Variants in IL31RA observed in about 807,000 individuals in gnomAD.
IL31RA encodes interleukin 31 receptor A, also known as interleukin-31 receptor subunit alpha.
In IL31RA, 66 loss-of-function variants were observed where a neutral mutation model predicts 83.7. The ratio of observed to expected loss-of-function variants is 0.79; its 90% CI spans 0.65 to 0.97. The LOEUF is 0.97. IL31RA is among the 50% of genes least tolerant of loss of function. The pLI, the probability that IL31RA is intolerant of heterozygous loss-of-function variation, is 0.00. For synonymous variants in IL31RA, 325 were observed against 329.0 expected (o/e 0.99, Z 0.13); for missense variants, 798 against 919.4 (o/e 0.87, Z 1.71).
At chr5:55,908,740 A>G (rs1425348068) in intron 11 of IL31RA, 1 of 1,444,962 alleles carries the variant, frequency 6.9e-7, no homozygotes, top group African/African-American at 1.4e-5. Flanking sequence ...TGGCTTAAAG[A>G]GTGAGGAGGA....
intron 5 of IL31RA, among the ~76,000 whole-genome samples, chr5:55,887,456 TGGACTGGG>T (rs1257776750): frequency 6.6e-6 from 1 of 152,208 alleles, no homozygotes; most frequent in East Asian, 1.9e-4. Context: ...ATTTGATTTA[TGGACTGGG>T]TGCAGTGGCT....
At chr5:55,888,309 C>A (rs1747767730) in intron 5 of IL31RA, among the ~76,000 whole-genome samples, 1 of 152,080 alleles carries the variant, frequency 6.6e-6, no homozygotes, top group Non-Finnish European at 1.5e-5. Context: ...CTTGGCTGGA[C>A]AAAATAACAA....
At chr5:55,907,314 C>G (rs1359461770) in intron 9 of IL31RA, 45 bp from the exon 10 acceptor site, 2 of 1,169,570 alleles carry the variant, frequency 1.7e-6, no homozygotes, top group Non-Finnish European at 2.6e-6. Flanking sequence ...TCCCCCCACT[C>G]TGCCGTGCTC....
the IL31RA span, among the ~76,000 whole-genome samples, chr5:55,845,574 G>C: frequency 6.6e-6 from 1 of 152,162 alleles, no homozygotes; most frequent in Middle Eastern, 3.2e-3. Context: ...CTGTTCTCAT[G>C]ATAATGAGTG....
At chr5:55,893,560 G>A (rs935522420) in intron 6 of IL31RA, among the ~76,000 whole-genome samples, 1 of 151,898 alleles carries the variant, frequency 6.6e-6, no homozygotes, top group Non-Finnish European at 1.5e-5. Flanking sequence ...TTCCCCCTTT[G>A]ATTAAACTGA....
chr5:55,866,690 A>G (rs556519303), intron 2 of IL31RA: 1 of 152,500 alleles, frequency 6.6e-6, no homozygotes, highest in South Asian at 2.1e-4. Context: ...CCTCCCCCGG[A>G]CTTGCTGTAC....
Position 55,918,284 on chromosome 5 carries a change from G to A in IL31RA, c.*1164G>A, listed in dbSNP as rs1359767279. The stretch of plus-strand genomic sequence containing the variant: ...CCAAGGTGCAGTGAACCCAGCACTT[G>A]CCAGCCAGGAAGGCTGATGGTATTT... On this transcript the variant is annotated 3_prime_UTR_variant, in exon 15 of 15. Coordinates refer to ENST00000652347, the MANE Select transcript of IL31RA (RefSeq NM_139017.7). Among the ~76,000 whole-genome samples, 1 of 152,216 alleles carries A rather than the reference G, an allele frequency of 6.6e-6. No homozygotes were observed. The highest frequency in any genetic ancestry group is 6.5e-5 in the Admixed American group (1 of 15,284).
chr5:55,896,411 A>AG lies in IL31RA; in HGVS notation c.835dup (p.Val279GlyfsTer31), dbSNP rs759119699. 59 of 1,612,966 alleles carry AG rather than the reference A, an allele frequency of 3.7e-5. No homozygotes were observed. Among genetic ancestry groups the AG allele is most frequent in the Non-Finnish European group, 3.0e-5 (35 of 1,179,198 alleles). The stretch of plus-strand genomic sequence containing the variant: ...CAGCTGAGGCGGATGGAAGAAGGCC[A>AG]GTGCGGTTGTTATGGAAGGTGACCT... On this transcript the variant is annotated frameshift_variant, in exon 7 of 15. Coordinates refer to ENST00000652347, the MANE Select transcript of IL31RA (RefSeq NM_139017.7). LOFTEE classifies it high-confidence loss of function.
intron 6 of IL31RA, among the ~76,000 whole-genome samples, chr5:55,895,001 G>C (rs1339880758): frequency 6.6e-6 from 1 of 152,214 alleles, no homozygotes; most frequent in Non-Finnish European, 1.5e-5. Context: ...ACAGGCATGA[G>C]CCACCGTGCC....
At chr5:55,868,161 T>G (rs1038834827) in intron 2 of IL31RA, among the ~76,000 whole-genome samples, 2 of 152,158 alleles carry the variant, frequency 1.3e-5, no homozygotes, top group Non-Finnish European at 2.9e-5. Flanking sequence ...AGATGTAAAT[T>G]TTCCCCATTT....
chr5:55,873,405 C>A (rs1029722753), intron 4 of IL31RA, among the ~76,000 whole-genome samples: 1 of 152,004 alleles, frequency 6.6e-6, no homozygotes, highest in Non-Finnish European at 1.5e-5. Context: ...TGTTTCAATT[C>A]TCTTAGATAT....
intron 12 of IL31RA, among the ~76,000 whole-genome samples, chr5:55,911,980 A>G (rs577690141): frequency 2.0e-5 from 3 of 152,284 alleles, no homozygotes; most frequent in Admixed American, 1.3e-4. Context: ...ATGGACTAAC[A>G]TTGCCCTCTA....
rs139115695 is a variant in IL31RA, at chr5:55,916,802, T to C, written c.1977T>C (p.Gly659=). The change falls in exon 15 of 15, where the codon GGT becomes GGC. Residue 659 remains glycine, a synonymous_variant. Coordinates refer to ENST00000652347, the MANE Select transcript of IL31RA (RefSeq NM_139017.7). The part of the protein sequence containing the change: ...QEIFTDEART[G]QENNLGGEKN... ...TTTTCACAGATGAAGCCAGAACGGG[T>C]CAGGAAAACAATTTAGGAGGGGAAA... The C allele has an allele frequency of 6.2e-7, 1 of 1,614,122 alleles. No homozygotes were observed. The highest frequency in any genetic ancestry group is 2.2e-5 in the East Asian group (1 of 44,870).
rs1187329762 is a variant in IL31RA, at chr5:55,868,889, T to C, written c.253T>C (p.Tyr85His). 9 of 1,573,006 alleles carry C rather than the reference T, an allele frequency of 5.7e-6. No homozygotes were observed. The African/African-American group carries it at 9.5e-5, about 17-fold the overall frequency. ...AGGAAAGGAAACCAGTTATACCCAG[T>C]ACACAGTTAAGAGAACTTAGTAAGT... ...SPGKETSYTQ[Y>H]TVKRTYAFGE... Residue 85 changes from tyrosine to histidine, a missense_variant, in exon 3 of 15, where the codon TAC (tyrosine) becomes CAC (histidine). Coordinates refer to ENST00000652347, the MANE Select transcript of IL31RA (RefSeq NM_139017.7).
chr5:55,901,206 C>T (rs747146656), intron 8 of IL31RA, among the ~76,000 whole-genome samples: 1 of 152,152 alleles, frequency 6.6e-6, no homozygotes, highest in African/African-American at 2.4e-5. Context: ...GTCCTCATTT[C>T]CTGACATCCT....
In IL31RA at chr5:55,894,558, C is replaced by G. The variant is rs114140892; in HGVS notation, c.773-1792C>G. Among the ~76,000 whole-genome samples, 998 of 152,270 alleles carry G rather than the reference C, an allele frequency of 6.6e-3. 19 individuals are homozygous for G. The highest frequency in any genetic ancestry group is 0.024 in the African/African-American group (977 of 41,552). On this transcript the variant is annotated intron_variant, in intron 6 of 14. Coordinates refer to ENST00000652347, the MANE Select transcript of IL31RA (RefSeq NM_139017.7). Reference sequence around the variant, plus strand: ...TTTATCTCATTGGGAGATCCTGGGCCTAACAGCTAGACTGTGTTAACTAGA... The same window carrying G: ...TTTATCTCATTGGGAGATCCTGGGCGTAACAGCTAGACTGTGTTAACTAGA...
At position 55,899,419 on chromosome 5, in the gene IL31RA, C is replaced by T. The variant is rs12515351; in HGVS notation, c.853-497C>T. Among the ~76,000 whole-genome samples the T allele has an allele frequency of 4.1e-3, 617 of 152,294 alleles. 17 individuals are homozygous for T. The highest frequency in any genetic ancestry group is 0.032 in the Admixed American group (483 of 15,296). On this transcript the variant is annotated intron_variant, in intron 7 of 14. Transcript: ENST00000652347. ...GGCAGTGCGGCCCTCTTAGCTAGGACGCCTGGCTGGGGCGCCTGGTCCAGG... is the reference window on the plus strand; with the variant it reads ...GGCAGTGCGGCCCTCTTAGCTAGGATGCCTGGCTGGGGCGCCTGGTCCAGG...
chr5:55,916,655 C>T lies in IL31RA; in HGVS notation c.1830C>T (p.Asn610=), dbSNP rs1389453686. ...WHGDDFKDKL[N]LKESDDSVNT... ...TTTTTCTTTTCCAGGATAAGCTAAA[C>T]CTGAAGGAGTCTGATGACTCTGTGA... Residue 610 remains asparagine, a synonymous_variant, in exon 15 of 15, where the codon AAC becomes AAT. Coordinates refer to ENST00000652347, the MANE Select transcript of IL31RA (RefSeq NM_139017.7). 1 of 1,613,926 alleles carries T rather than the reference C, an allele frequency of 6.2e-7. No homozygotes were observed. Among genetic ancestry groups the T allele is most frequent in the Non-Finnish European group, 8.5e-7 (1 of 1,179,878 alleles).
chr5:55,906,423 G>A (rs1343986619), intron 9 of IL31RA, 135 bp downstream of exon 9: 4 of 849,916 alleles, frequency 4.7e-6, no homozygotes, highest in Non-Finnish European at 3.9e-6. Flanking sequence ...CAAGCTTAAT[G>A]AAGTGACACG....
Sources: gnomAD v4.1 joint callset for allele counts (sites outside exome capture counted in the v4.1 genomes callset) on GRCh38, gnomAD v4.1.1 for gene constraint, MANE v1.5 for transcripts, NCBI Gene and HGNC (gene_info 2026-07-23, HGNC 2026-07-21) for gene names.